The following MICAL3 variants were observed in gnomAD, a reference collection of about 807,000 sequenced individuals.
MICAL3 encodes the protein [F-actin]-monooxygenase MICAL3.
A neutral mutation model predicts 207.4 loss-of-function variants in MICAL3; 62 were observed. That is an observed-to-expected ratio of 0.30 (90% CI 0.24 to 0.37). The LOEUF (loss-of-function observed/expected upper bound fraction) is 0.37, where lower values mean the gene tolerates loss of function less well. Among genes scored for constraint, MICAL3 ranks in the 10% least tolerant of loss-of-function variants. MICAL3 has a pLI of 1.00. For missense variants in MICAL3, 2,368 were observed against 2,635.6 expected, an observed-to-expected ratio of 0.90 and a Z score of 2.22; for synonymous variants, 1,077 against 1,069.3, an observed-to-expected ratio of 1.01 and a Z score of -0.14.
intron 10 of MICAL3, among the ~76,000 whole-genome samples, chr22:17,895,046 C>T (rs1930711228): frequency 6.6e-6 from 1 of 152,208 alleles, no homozygotes; most frequent in African/African-American, 2.4e-5. Flanking sequence ...GGCATAAAGG[C>T]CTGGATTCCT....
intron 19 of MICAL3, chr22:17,860,176 A>C: frequency 3.1e-6 from 3 of 975,400 alleles, no homozygotes; most frequent in Non-Finnish European, 3.7e-6. Context: ...TTTGGAATTT[A>C]TTCTCTTAAA....
At chr22:17,964,828 G>A (rs561333597) in intron 1 of MICAL3, among the ~76,000 whole-genome samples, 12 of 152,316 alleles carry the variant, frequency 7.9e-5, no homozygotes, top group East Asian at 1.9e-4. Flanking sequence ...CAAAAACCCC[G>A]AATTGCTCAG....
At chr22:17,937,564 G>GAGGC (rs1286207463) in intron 1 of MICAL3, among the ~76,000 whole-genome samples, 1 of 152,240 alleles carries the variant, frequency 6.6e-6, no homozygotes, top group African/African-American at 2.4e-5. Flanking sequence ...TCAGGAGGCT[G>GAGGC]AGGCAGACGA....
chr22:17,856,117 C>T (rs115884939), intron 19 of MICAL3, among the ~76,000 whole-genome samples: 55 of 152,342 alleles, frequency 3.6e-4, no homozygotes, highest in African/African-American at 1.3e-3. Context: ...TACATGTTAG[C>T]GACCGCTGCT....
In MICAL3 at chr22:17,997,603, C is replaced by T. The variant is rs1236438988; in HGVS notation, c.-75+26678G>A. 3.3e-5 allele frequency among the ~76,000 whole-genome samples: 5 copies of T among 152,264 alleles called. No homozygotes were observed. In the East Asian group the frequency reaches 7.7e-4, roughly 24 times the overall value. ...GCTCTCAGGCCTGCCCATTAGTCATCCCTAAGGCCCGTTAGCACACGGGTT... is the reference window on the plus strand; with the variant it reads ...GCTCTCAGGCCTGCCCATTAGTCATTCCTAAGGCCCGTTAGCACACGGGTT... On this transcript the variant is annotated intron_variant, in intron 1 of 31. Transcript: ENST00000441493.
rs557604564 is a variant in MICAL3 at position 17,793,131 on chromosome 22, C to T, written c.5651-1830G>A. On this transcript the variant is annotated intron_variant, in intron 29 of 31. Coordinates refer to ENST00000441493, the MANE Select transcript of MICAL3 (RefSeq NM_015241.3). The surrounding 1 kb of genome is among the most constrained non-coding windows in gnomAD (Gnocchi z 4.1). The stretch of plus-strand genomic sequence containing the variant: ...CCAGGCAGGGGCTGTGGTGTGTGAG[C>T]GAGAGTCGGGTGAGCGCTGTGGACG... Among the ~76,000 whole-genome samples, 5 of 152,284 alleles carry T rather than the reference C, an allele frequency of 3.3e-5. No individual in the cohort carries two copies. The East Asian group carries it at 5.8e-4, about 18-fold the overall frequency.
intron 27 of MICAL3, 158 bp from the exon 28 acceptor site, chr22:17,810,971 C>A: frequency 3.3e-6 from 2 of 604,972 alleles, no homozygotes; most frequent in Admixed American, 5.2e-5. Flanking sequence ...AGAGTGCTAG[C>A]AGGACGGGGG....
rs1488537051 is a variant in MICAL3, at chr22:17,818,033, A to T, written c.4628T>A (p.Phe1543Tyr). 1 of 1,612,608 alleles carries T rather than the reference A, an allele frequency of 6.2e-7. No individual in the cohort carries two copies. Among genetic ancestry groups the T allele is most frequent in the Non-Finnish European group, 8.5e-7 (1 of 1,179,742 alleles). ...KTEDSSLQEK[F>Y]FTPPSCWPRP... ...CGGCCAGCAGGACGGGGGCGTGAAG[A>T]ATTTCTCCTGCAGGCTTGAGTCCTC... The change falls in exon 26 of 32, where the codon TTC becomes TAC. Residue 1543 changes from phenylalanine (F) to tyrosine (Y), a missense_variant. Around this residue, in one of 4 missense-constraint regions of MICAL3, gnomAD observed 1,770 missense variants for 1,863.2 expected, o/e 0.95. Transcript: ENST00000441493.
intron 1 of MICAL3, among the ~76,000 whole-genome samples, chr22:17,981,145 A>G (rs530273885): frequency 2.2e-4 from 33 of 152,258 alleles, no homozygotes; most frequent in Non-Finnish European, 3.4e-4. Flanking sequence ...CACAATGGTA[A>G]TAACATATAC....
intron 27 of MICAL3, 198 bp from the exon 28 acceptor site, chr22:17,811,011 AG>A (rs2062042594): frequency 1.1e-5 from 6 of 552,860 alleles, no homozygotes; most frequent in Non-Finnish European, 2.0e-5. Context: ...TGAGGTCTGC[AG>A]AGTCCCCAGC....
At chr22:17,834,564 G>A in intron 20 of MICAL3, 1 of 1,141,708 alleles carries the variant, frequency 8.8e-7, no homozygotes, top group South Asian at 1.8e-5. Context: ...AAAAAATAAA[G>A]ATAAAAATAA....
intron 19 of MICAL3, among the ~76,000 whole-genome samples, chr22:17,854,637 C>T (rs1925712769): frequency 6.6e-6 from 1 of 152,240 alleles, no homozygotes; most frequent in Non-Finnish European, 1.5e-5. Context: ...CAAGTAGCTG[C>T]ATGAGCCGCC....
chr22:17,931,136 C>T (rs1190077162), intron 1 of MICAL3, among the ~76,000 whole-genome samples: 1 of 152,186 alleles, frequency 6.6e-6, no homozygotes, highest in African/African-American at 2.4e-5. Context: ...CCCCCTGGTC[C>T]CCCAACTTGT....
intron 1 of MICAL3, among the ~76,000 whole-genome samples, chr22:18,018,207 T>C (rs754420991): frequency 2.6e-5 from 4 of 152,170 alleles, no homozygotes; most frequent in Non-Finnish European, 5.9e-5. Context: ...AACACAGTTT[T>C]CCCCCATGGA....
At chr22:17,835,222 C>T (rs555290521) in intron 20 of MICAL3, among the ~76,000 whole-genome samples, 2 of 147,000 alleles carry the variant, frequency 1.4e-5, no homozygotes, top group African/African-American at 4.8e-5. Flanking sequence ...CACCTCCGTG[C>T]ATCAGCTGGT....
chr22:17,872,056 C>T (rs1213157417), intron 16 of MICAL3, 33 bp from the exon 17 acceptor site: 3 of 1,562,060 alleles, frequency 1.9e-6, no homozygotes, highest in African/African-American at 1.4e-5. Flanking sequence ...GGAAGGGGAG[C>T]ACCTCAGGGA....
intron 1 of MICAL3, among the ~76,000 whole-genome samples, chr22:17,974,995 C>T (rs1198260319): frequency 6.6e-6 from 1 of 152,140 alleles, no homozygotes; most frequent in Non-Finnish European, 1.5e-5. Context: ...GACTCTGGAG[C>T]CCCAGCATGG....
intron 22 of MICAL3, among the ~76,000 whole-genome samples, chr22:17,825,308 G>C (rs1922060044): frequency 6.6e-6 from 1 of 152,218 alleles, no homozygotes; most frequent in Non-Finnish European, 1.5e-5. Flanking sequence ...CAGCAGTGTT[G>C]AAAGGGACAC....
chr22:17,818,480 G>T lies in MICAL3; in HGVS notation c.4181C>A (p.Pro1394Gln). The T allele has an allele frequency of 6.2e-7, 1 of 1,612,850 alleles. No homozygotes were observed. The highest frequency in any genetic ancestry group is 8.5e-7 in the Non-Finnish European group (1 of 1,179,882). The change falls in exon 26 of 32, where the codon CCG (proline) becomes CAG (glutamine). Residue 1394 changes from proline (P) to glutamine (Q), a missense_variant. Pro to Gln is a moderately conservative substitution (Grantham distance 76). Transcript: ENST00000441493. ...SIPKRLGLPK[P>Q]EGEPLSLPTP... ...TGGCAGGGACAACGGCTCGCCTTCCGGCTTTGGCAGGCCCAGCCTTTTGGG... is the reference window on the plus strand; with the variant it reads ...TGGCAGGGACAACGGCTCGCCTTCCTGCTTTGGCAGGCCCAGCCTTTTGGG...
Sources: gnomAD v4.1 joint callset for allele counts (sites outside exome capture counted in the v4.1 genomes callset) on GRCh38, gnomAD v4.1.1 for gene constraint, gnomAD v4.1.1 regional missense constraint, Gnocchi (gnomAD v3.1) non-coding constraint, MANE v1.5 for transcripts, NCBI Gene and HGNC (gene_info 2026-07-23, HGNC 2026-07-21) for gene names.